Variants in DCAF4L1 observed in about 807,000 individuals in gnomAD.
The protein encoded by DCAF4L1 is DDB1- and CUL4-associated factor 4-like protein 1.
In DCAF4L1, 4 loss-of-function variants were observed where a neutral mutation model predicts 28.2. The ratio of observed to expected loss-of-function variants is 0.14; its 90% CI spans 0.07 to 0.33. The LOEUF (loss-of-function observed/expected upper bound fraction) is 0.33. DCAF4L1 is among the 10% of genes least tolerant of loss of function. The pLI, the probability that DCAF4L1 is intolerant of heterozygous loss-of-function variation, is 1.00. For missense variants in DCAF4L1, 331 were observed against 506.1 expected (o/e 0.65, Z 3.32); for synonymous variants, 252 against 212.1 (o/e 1.19, Z -1.63).
chr4:41,982,875 C>G lies in DCAF4L1; in HGVS notation c.1083C>G (p.Asp361Glu). The G allele has an allele frequency of 6.2e-7, 1 of 1,614,208 alleles. No homozygotes were observed. Among genetic ancestry groups the G allele is most frequent in the Non-Finnish European group, 8.5e-7 (1 of 1,180,040 alleles). Residue 361 changes from aspartate (D) to glutamate (E), a missense_variant, in exon 1 of 1, where the codon GAC (aspartate) becomes GAG (glutamate). By Grantham distance (45) the Asp-to-Glu change is conservative (BLOSUM62 2). Transcript: ENST00000333141. This position sits in a 1 kb window ranked among gnomAD's most constrained non-coding sequence, Gnocchi z 4.4. ...TIPSPYSASE[D>E]DIPSVAFASR... ...CTTCCCCGTACTCTGCCTCCGAGGA[C>G]GACATTCCCAGCGTGGCCTTCGCTT...
In DCAF4L1 at chr4:41,985,340, T is replaced by C. The variant is rs1560528307; in HGVS notation, c.*2357T>C. 2 of 167,028 alleles carry C rather than the reference T, an allele frequency of 1.2e-5. No individual in the cohort carries two copies. The highest frequency in any genetic ancestry group is 4.8e-5 in the African/African-American group (2 of 41,416). The allele number at this position is 167,028 out of a possible 1,614,324, so 10.3% of individuals were successfully genotyped here. A position where few individuals can be genotyped will look rare whatever the true frequency, so the allele number is the denominator to read the frequency against. ...AAAAGGCATCCAACTTCTTTTATTG[T>C]CAAGGAAATGCAAATTAAAACCACA... On this transcript the variant is annotated 3_prime_UTR_variant, in exon 1 of 1. Coordinates refer to ENST00000333141, the MANE Select transcript of DCAF4L1 (RefSeq NM_001029955.4).
rs1714091943 is a variant in DCAF4L1 at position 41,984,585 on chromosome 4, C to T, written c.*1602C>T. 1 of 166,560 alleles carries T rather than the reference C, an allele frequency of 6.0e-6. No individual in the cohort carries two copies. The highest frequency in any genetic ancestry group is 2.4e-5 in the African/African-American group (1 of 41,278). The allele number at this position is 166,560 out of a possible 1,614,324, so 10.3% of individuals were successfully genotyped here. ...GGTAGATGATGGTGTCGTTTACTAACCTGGGGAGGATGAGGAGAAAAAACT... is the reference window on the plus strand; with the variant it reads ...GGTAGATGATGGTGTCGTTTACTAATCTGGGGAGGATGAGGAGAAAAAACT... On this transcript the variant is annotated 3_prime_UTR_variant, in exon 1 of 1. Coordinates refer to ENST00000333141, the MANE Select transcript of DCAF4L1 (RefSeq NM_001029955.4).
Position 41,985,274 on chromosome 4 carries a change from T to C in DCAF4L1, c.*2291T>C, listed in dbSNP as rs1032811009. ...AAGAAAGGGAGGCAATAGTCTTGAATAGGAGAAAAAGAGGAGATCCAAATG... is the reference window on the plus strand; with the variant it reads ...AAGAAAGGGAGGCAATAGTCTTGAACAGGAGAAAAAGAGGAGATCCAAATG... On this transcript the variant is annotated 3_prime_UTR_variant, in exon 1 of 1. Transcript: ENST00000333141. 2 of 166,572 alleles carry C rather than the reference T, an allele frequency of 1.2e-5. No individual in the cohort carries two copies. Among genetic ancestry groups the C allele is most frequent in the Admixed American group, 6.6e-5 (1 of 15,246 alleles). The allele number at this position is 166,572 out of a possible 1,614,324, so 10.3% of individuals were successfully genotyped here.
chr4:41,982,876 G>C lies in DCAF4L1; in HGVS notation c.1084G>C (p.Asp362His). The change falls in exon 1 of 1, where the codon GAC (aspartate) becomes CAC (histidine). Residue 362 changes from aspartate to histidine, a missense_variant. Physicochemically the swap from Asp to His is moderately conservative, Grantham distance 81 (BLOSUM62 -1). Coordinates refer to ENST00000333141, the MANE Select transcript of DCAF4L1 (RefSeq NM_001029955.4). This position sits in a 1 kb window ranked among gnomAD's most constrained non-coding sequence, Gnocchi z 4.4. ...TTCCCCGTACTCTGCCTCCGAGGAC[G>C]ACATTCCCAGCGTGGCCTTCGCTTC... ...IPSPYSASED[D>H]IPSVAFASRL... is the part of the protein sequence containing the mutation. The C allele has an allele frequency of 6.2e-7, 1 of 1,614,162 alleles. No homozygotes were observed. The highest frequency in any genetic ancestry group is 2.2e-5 in the East Asian group (1 of 44,870).
In DCAF4L1 at chr4:41,982,180, C is replaced by G. The variant is rs1317208777; in HGVS notation, c.388C>G (p.Leu130Val). The G allele has an allele frequency of 6.2e-7, 1 of 1,614,232 alleles. No individual in the cohort carries two copies. Among genetic ancestry groups the G allele is most frequent in the East Asian group, 2.2e-5 (1 of 44,888 alleles). Residue 130 changes from leucine to valine, a missense_variant, in exon 1 of 1, where the codon CTG (leucine) becomes GTG (valine). Leu to Val is a conservative substitution (Grantham distance 32). Transcript: ENST00000333141. This position sits in a 1 kb window ranked among gnomAD's most constrained non-coding sequence, Gnocchi z 4.4. ...LYVPNRKVKS[L>V]CWASLNQLDS... ...CGTCCCCAACCGGAAGGTGAAGTCCCTGTGCTGGGCCTCGCTGAACCAGTT... is the reference window on the plus strand; with the variant it reads ...CGTCCCCAACCGGAAGGTGAAGTCCGTGTGCTGGGCCTCGCTGAACCAGTT...
Position 41,982,381 on chromosome 4 carries a change from T to C in DCAF4L1, c.589T>C (p.Tyr197His). 1 of 1,614,238 alleles carries C rather than the reference T, an allele frequency of 6.2e-7. No homozygotes were observed. The highest frequency in any genetic ancestry group is 8.5e-7 in the Non-Finnish European group (1 of 1,180,046). ...SCAWSLNTRA[Y>H]HCFSAGLSQQ... Reference sequence around the variant, plus strand: ...TGCGTGGTCCCTCAACACCCGGGCATATCACTGCTTTAGTGCAGGCTTGTC... The same window carrying C: ...TGCGTGGTCCCTCAACACCCGGGCACATCACTGCTTTAGTGCAGGCTTGTC... The change falls in exon 1 of 1, where the codon TAT (tyrosine) becomes CAT (histidine). Residue 197 changes from tyrosine (Y) to histidine (H), a missense_variant. Coordinates refer to ENST00000333141, the MANE Select transcript of DCAF4L1 (RefSeq NM_001029955.4). This position sits in a 1 kb window ranked among gnomAD's most constrained non-coding sequence, Gnocchi z 4.4.
In DCAF4L1 at chr4:41,984,102, T is replaced by TTTTTTC. The variant is rs566534698; in HGVS notation, c.*1131_*1136dup. The TTTTTTC allele has an allele frequency of 1.2e-5, 2 of 164,306 alleles. No homozygotes were observed. The highest frequency in any genetic ancestry group is 4.8e-5 in the African/African-American group (2 of 41,444). The allele number at this position is 164,306 out of a possible 1,614,324, so 10.2% of individuals were successfully genotyped here. On this transcript the variant is annotated 3_prime_UTR_variant, in exon 1 of 1. Coordinates refer to ENST00000333141, the MANE Select transcript of DCAF4L1 (RefSeq NM_001029955.4). ...GTACCTCTGTAGAAAGAAAGGATTT[T>TTTTTTC]TTTTTCTTTTTCTTTTTAGGATGTT...
In DCAF4L1 at chr4:41,984,247, TTCC is replaced by T. The variant is rs1714081682; in HGVS notation, c.*1267_*1269del. 6.0e-6 allele frequency: 1 copy of T among 166,558 alleles called. No individual in the cohort carries two copies. Among genetic ancestry groups the T allele is most frequent in the Admixed American group, 6.5e-5 (1 of 15,270 alleles). 10.3% of individuals were successfully genotyped at this position (166,558 alleles called of 1,614,324 possible). On this transcript the variant is annotated 3_prime_UTR_variant, in exon 1 of 1. Coordinates refer to ENST00000333141, the MANE Select transcript of DCAF4L1 (RefSeq NM_001029955.4). ...TTTATAGTTTACTGTATATATGTTATTCCTCAAAAAATAAAAATAAGCAATTAG... is the reference window on the plus strand; with the variant it reads ...TTTATAGTTTACTGTATATATGTTATTCAAAAAATAAAAATAAGCAATTAG...
Position 41,984,381 on chromosome 4 carries a change from T to G in DCAF4L1, c.*1398T>G, listed in dbSNP as rs544941225. 133 of 167,028 alleles carry G rather than the reference T, an allele frequency of 8.0e-4. No homozygotes were observed. The highest frequency in any genetic ancestry group is 1.7e-3 in the Non-Finnish European group (116 of 68,086). 10.3% of individuals were successfully genotyped at this position (167,028 alleles called of 1,614,324 possible). ...ATTGGAAGATCATTCGAAGGTAGTATTATTGATAAGGCTTGCTGATGAGAG... is the reference window on the plus strand; with the variant it reads ...ATTGGAAGATCATTCGAAGGTAGTAGTATTGATAAGGCTTGCTGATGAGAG... On this transcript the variant is annotated 3_prime_UTR_variant, in exon 1 of 1. Coordinates refer to ENST00000333141, the MANE Select transcript of DCAF4L1 (RefSeq NM_001029955.4).
rs571942983 is a variant in DCAF4L1, at chr4:41,984,760, T to G, written c.*1777T>G. ...AGAATTAAAATAGATGGGATAGATG[T>G]GCTTTATATGACATAGATGAGGTTA... On this transcript the variant is annotated 3_prime_UTR_variant, in exon 1 of 1. Transcript: ENST00000333141. 1.2e-5 allele frequency: 2 copies of G among 167,162 alleles called. No homozygotes were observed. Among genetic ancestry groups the G allele is most frequent in the African/African-American group, 4.8e-5 (2 of 41,558 alleles). 10.4% of individuals were successfully genotyped at this position (167,162 alleles called of 1,614,324 possible).
In DCAF4L1 at chr4:41,982,564, C is replaced by G. The variant is rs773479886; in HGVS notation, c.772C>G (p.Arg258Gly). The G allele has an allele frequency of 1.2e-6, 2 of 1,614,166 alleles. No homozygotes were observed. Among genetic ancestry groups the G allele is most frequent in the Non-Finnish European group, 1.7e-6 (2 of 1,180,038 alleles). The change falls in exon 1 of 1, where the codon CGA becomes GGA. Residue 258 changes from arginine (R) to glycine (G), a missense_variant. Physicochemically the swap from Arg to Gly is moderately radical, Grantham distance 125 (BLOSUM62 -2). Coordinates refer to ENST00000333141, the MANE Select transcript of DCAF4L1 (RefSeq NM_001029955.4). The surrounding 1 kb of genome is among the most constrained non-coding windows in gnomAD (Gnocchi z 4.4). ...IFAIDLRCRN[R>G]GKGWRATRLF... ...TGCCATTGATCTGCGTTGTAGAAAT[C>G]GAGGCAAGGGGTGGAGGGCCACTCG...
chr4:41,982,736 C>T lies in DCAF4L1; in HGVS notation c.944C>T (p.Ser315Phe). 6.2e-7 allele frequency: 1 copy of T among 1,614,234 alleles called. No homozygotes were observed. The highest frequency in any genetic ancestry group is 8.5e-7 in the Non-Finnish European group (1 of 1,180,048). ...CAGTACGAAGGTCACGTGAATGAGT[C>T]CGCCTATCTGCCCCTGCATGTGCAC... ...VRQYEGHVNE[S>F]AYLPLHVHEE... Residue 315 changes from serine to phenylalanine, a missense_variant, in exon 1 of 1, where the codon TCC becomes TTC. Ser to Phe is a radical substitution (Grantham distance 155). Coordinates refer to ENST00000333141, the MANE Select transcript of DCAF4L1 (RefSeq NM_001029955.4). This position sits in a 1 kb window ranked among gnomAD's most constrained non-coding sequence, Gnocchi z 4.4.
Position 41,984,896 on chromosome 4 carries a change from A to C in DCAF4L1, c.*1913A>C, listed in dbSNP as rs1714102399. 6.0e-6 allele frequency: 1 copy of C among 167,080 alleles called. No individual in the cohort carries two copies. Among genetic ancestry groups the C allele is most frequent in the Non-Finnish European group, 1.5e-5 (1 of 68,102 alleles). 10.3% of individuals were successfully genotyped at this position (167,080 alleles called of 1,614,324 possible). A position where few individuals can be genotyped will look rare whatever the true frequency, so the allele number is the denominator to read the frequency against. On this transcript the variant is annotated 3_prime_UTR_variant, in exon 1 of 1. Coordinates refer to ENST00000333141, the MANE Select transcript of DCAF4L1 (RefSeq NM_001029955.4). ...AGTCAGTTTTTTATACTAACTTGAT[A>C]TGTGACATGAGAAATTGTGTAAGCT...
At position 41,982,924 on chromosome 4, in the gene DCAF4L1, G is replaced by A; in HGVS notation, c.1132G>A (p.Ala378Thr). 2 of 1,614,098 alleles carry A rather than the reference G, an allele frequency of 1.2e-6. No individual in the cohort carries two copies. Among genetic ancestry groups the A allele is most frequent in the Non-Finnish European group, 8.5e-7 (1 of 1,179,996 alleles). ...TTCTCGGCTCGGGGGCATCCGGGGAGCAGCACCAGGGCTGCTCATGGCTGT... is the reference window on the plus strand; with the variant it reads ...TTCTCGGCTCGGGGGCATCCGGGGAACAGCACCAGGGCTGCTCATGGCTGT... The part of the protein sequence containing the change: ...FASRLGGIRG[A>T]APGLLMAVRQ... Residue 378 changes from alanine to threonine, a missense_variant, in exon 1 of 1, where the codon GCA (alanine) becomes ACA (threonine). Physicochemically the swap from Ala to Thr is moderately conservative, Grantham distance 58. Transcript: ENST00000333141. This position sits in a 1 kb window ranked among gnomAD's most constrained non-coding sequence, Gnocchi z 4.4.
At position 41,984,961 on chromosome 4, in the gene DCAF4L1, A is replaced by G. The variant is rs1391512320; in HGVS notation, c.*1978A>G. 6.0e-6 allele frequency: 1 copy of G among 167,048 alleles called. No individual in the cohort carries two copies. The highest frequency in any genetic ancestry group is 1.5e-5 in the Non-Finnish European group (1 of 68,112). The allele number at this position is 167,048 out of a possible 1,614,324, so 10.3% of individuals were successfully genotyped here. ...TTCTTCAGTGTAAAATGTCTTAGAT[A>G]ATAAAACTAAATGATAAAGTAGATA... On this transcript the variant is annotated 3_prime_UTR_variant, in exon 1 of 1. Coordinates refer to ENST00000333141, the MANE Select transcript of DCAF4L1 (RefSeq NM_001029955.4).
rs1260883029 is a variant in DCAF4L1 at position 41,982,009 on chromosome 4, C to A, written c.217C>A (p.Arg73=). 1.9e-6 allele frequency: 3 copies of A among 1,614,166 alleles called. No homozygotes were observed. Among genetic ancestry groups the A allele is most frequent in the Admixed American group, 1.7e-5 (1 of 60,028 alleles). ...SLDPSSLASD[R]FNFILASTNS... ...GGATCCCTCCTCTTTGGCGAGCGAC[C>A]GATTTAACTTCATTCTGGCGAGTAC... Residue 73 remains arginine, a synonymous_variant, in exon 1 of 1, where the codon CGA becomes AGA. Coordinates refer to ENST00000333141, the MANE Select transcript of DCAF4L1 (RefSeq NM_001029955.4). The surrounding 1 kb of genome is among the most constrained non-coding windows in gnomAD (Gnocchi z 4.4).
Position 41,981,820 on chromosome 4 carries a change from G to A in DCAF4L1, c.28G>A (p.Glu10Lys). 6.2e-7 allele frequency: 1 copy of A among 1,614,134 alleles called. No homozygotes were observed. Among genetic ancestry groups the A allele is most frequent in the Non-Finnish European group, 8.5e-7 (1 of 1,180,016 alleles). ...GGAGGCTGAAAGGCTGCGACTCCTC[G>A]AGGAAGAGGCCAAGCTGAAAAAGGT... The part of the protein sequence containing the change: MEAERLRLL[E>K]EEAKLKKVAR... The change falls in exon 1 of 1, where the codon GAG becomes AAG. Residue 10 changes from glutamate to lysine, a missense_variant. Physicochemically the swap from Glu to Lys is moderately conservative, Grantham distance 56. Transcript: ENST00000333141.
At position 41,982,404 on chromosome 4, in the gene DCAF4L1, G is replaced by C. The variant is rs1272283619; in HGVS notation, c.612G>C (p.Leu204Phe). Residue 204 changes from leucine to phenylalanine, a missense_variant, in exon 1 of 1, where the codon TTG (leucine) becomes TTC (phenylalanine). Transcript: ENST00000333141. This position sits in a 1 kb window ranked among gnomAD's most constrained non-coding sequence, Gnocchi z 4.4. ...CATATCACTGCTTTAGTGCAGGCTT[G>C]TCTCAGCAGGTCCTGTTGACCAGCG... ...TRAYHCFSAG[L>F]SQQVLLTSVA... 6.2e-7 allele frequency: 1 copy of C among 1,614,150 alleles called. No individual in the cohort carries two copies. Among genetic ancestry groups the C allele is most frequent in the African/African-American group, 1.3e-5 (1 of 74,956 alleles).
rs914502798 is a variant in DCAF4L1, at chr4:41,986,297, A to G, written c.*3314A>G. 1.2e-5 allele frequency: 2 copies of G among 167,050 alleles called. No individual in the cohort carries two copies. Among genetic ancestry groups the G allele is most frequent in the Admixed American group, 6.5e-5 (1 of 15,276 alleles). The allele number at this position is 167,050 out of a possible 1,614,324, so 10.3% of individuals were successfully genotyped here. The stretch of plus-strand genomic sequence containing the variant: ...GATTCTGAGCACACATTCGTTTTAG[A>G]TCACAGGGTCGTTCTCAGGATATGG... On this transcript the variant is annotated 3_prime_UTR_variant, in exon 1 of 1. Transcript: ENST00000333141.
Sources: allele counts gnomAD v4.1 joint callset, GRCh38; gene constraint gnomAD v4.1.1; non-coding constraint Gnocchi (gnomAD v3.1); transcripts MANE v1.5; gene names NCBI Gene and HGNC (gene_info 2026-07-23, HGNC 2026-07-21).